Variants in TBCD observed in about 807,000 individuals in gnomAD.
TBCD encodes the protein tubulin folding cofactor D.
TBCD carries 105 observed loss-of-function variants against 169.3 expected under a neutral mutation model. That is an observed-to-expected ratio of 0.62 (90% confidence interval 0.53 to 0.73). The LOEUF is 0.73. Among genes scored for constraint, TBCD ranks in the 30% least tolerant of loss-of-function variants. The pLI is 0.00. For synonymous variants in TBCD, 700 were observed against 643.9 expected, an observed-to-expected ratio of 1.09 and a Z score of -1.32; for missense variants, 1,444 against 1,600.1, an observed-to-expected ratio of 0.90 and a Z score of 1.66.
chr17:82,792,294 C>T (rs936611677), intron 7 of TBCD, among the ~76,000 whole-genome samples: 1 of 143,246 alleles, frequency 7.0e-6, no homozygotes, highest in Non-Finnish European at 1.5e-5. Context: ...GGTGACAGAG[C>T]GAGACTCCGT....
chr17:82,940,218 C>T (rs1428289809), intron 37 of TBCD, among the ~76,000 whole-genome samples: 5 of 128,974 alleles, frequency 3.9e-5, no homozygotes, highest in Non-Finnish European at 6.4e-5. Context: ...CACTTGCACG[C>T]GCGCACACAC....
intron 37 of TBCD, among the ~76,000 whole-genome samples, chr17:82,941,149 G>C (rs116664908): frequency 0.014 from 2,175 of 152,346 alleles, 68 homozygotes; most frequent in African/African-American, 0.049. Flanking sequence ...GCTGGGCGTG[G>C]TCCTTCCCGA....
Position 82,942,551 on chromosome 17 carries a change from G to C in TBCD, c.*88G>C. On this transcript the variant is annotated 3_prime_UTR_variant, in exon 39 of 39. Transcript: ENST00000355528. ...CCGGTGTGGAAAGCCTCGCACAGTGGTGCCTCCAGCTGTTGAAGGGTAGCG... is the reference window on the plus strand; with the variant it reads ...CCGGTGTGGAAAGCCTCGCACAGTGCTGCCTCCAGCTGTTGAAGGGTAGCG... 5.0e-6 allele frequency: 8 copies of C among 1,585,234 alleles called. No individual in the cohort carries two copies. The highest frequency in any genetic ancestry group is 6.9e-6 in the Non-Finnish European group (8 of 1,155,968).
Position 82,930,657 on chromosome 17 carries a change from CTT to C in TBCD, c.3113+15_3113+16del, listed in dbSNP as rs2062121070. ...TCTGAATGAGAGGTGAGTGGTGTCT[CTT>C]GGGGCCTCAGAGGCGTGAGTGGTGC... On this transcript the variant is annotated intron_variant, in intron 33 of 38. Coordinates refer to ENST00000355528, the MANE Select transcript of TBCD (RefSeq NM_005993.5). This position sits in a 1 kb window ranked among gnomAD's most constrained non-coding sequence, Gnocchi z 5.2. 6.8e-6 allele frequency: 11 copies of C among 1,613,948 alleles called. No homozygotes were observed. Among genetic ancestry groups the C allele is most frequent in the Non-Finnish European group, 9.3e-6 (11 of 1,179,862 alleles).
chr17:82,863,363 G>A (rs2056923810), intron 13 of TBCD, among the ~76,000 whole-genome samples: 1 of 152,210 alleles, frequency 6.6e-6, no homozygotes, highest in Non-Finnish European at 1.5e-5. Context: ...GAGGCCAAGC[G>A]GTGTCTGTAC....
At chr17:82,856,654 G>T (rs1015668960) in intron 13 of TBCD, among the ~76,000 whole-genome samples, 2 of 152,220 alleles carry the variant, frequency 1.3e-5, no homozygotes, top group Non-Finnish European at 2.9e-5. Flanking sequence ...GAATGCTTCT[G>T]TGAACGTTTG....
At chr17:82,892,706 AG>A (rs1272857627) in intron 16 of TBCD, among the ~76,000 whole-genome samples, 2 of 152,212 alleles carry the variant, frequency 1.3e-5, no homozygotes, top group African/African-American at 4.8e-5. Context: ...GGAGGTGGGC[AG>A]GCTTGGGAGA....
intron 11 of TBCD, among the ~76,000 whole-genome samples, chr17:82,809,195 T>G (rs973716179): frequency 6.6e-6 from 1 of 152,056 alleles, no homozygotes; most frequent in Non-Finnish European, 1.5e-5. Flanking sequence ...GCCTTCCCAG[T>G]GTCCTTCCTG....
intron 11 of TBCD, among the ~76,000 whole-genome samples, chr17:82,807,869 C>A (rs753865300): frequency 6.6e-6 from 1 of 152,266 alleles, no homozygotes; most frequent in Non-Finnish European, 1.5e-5. Flanking sequence ...CCTCCTGCCT[C>A]TGGCTGGCCC....
In TBCD at chr17:82,939,647, C is replaced by T. The variant is rs561701761; in HGVS notation, c.3479+171C>T. ...TACAAGGCAGCCGTGCTGCTGTAGC[C>T]GAAACCTCTTCTCAACCGCCCTGTC... On this transcript the variant is annotated intron_variant, in intron 37 of 38. Coordinates refer to ENST00000355528, the MANE Select transcript of TBCD (RefSeq NM_005993.5). Among the ~76,000 whole-genome samples, 13 of 152,322 alleles carry T rather than the reference C, an allele frequency of 8.5e-5. No individual in the cohort carries two copies. In the South Asian group the frequency reaches 1.0e-3, roughly 12 times the overall value.
chr17:82,931,332 G>T (rs374895867), intron 33 of TBCD, among the ~76,000 whole-genome samples: 1 of 152,348 alleles, frequency 6.6e-6, no homozygotes, highest in African/African-American at 2.4e-5. Context: ...CAGTTCGATC[G>T]ATTTTGATAG....
intron 13 of TBCD, chr17:82,859,917 A>G (rs2056619467): frequency 1.0e-6 from 1 of 984,078 alleles, no homozygotes; most frequent in Non-Finnish European, 1.2e-6. Flanking sequence ...CACTGGTGAC[A>G]TGGCCTTTGG....
rs1263189633 is a variant in TBCD at position 82,782,563 on chromosome 17, A to G, written c.771+842A>G. On this transcript the variant is annotated intron_variant, in intron 7 of 38. Transcript: ENST00000355528. This position sits in a 1 kb window ranked among gnomAD's most constrained non-coding sequence, Gnocchi z 5.1. The stretch of plus-strand genomic sequence containing the variant: ...TGCTATGTAGGTCAGGGTGGTCTTA[A>G]ACTCCTGGCCTCAAGTGATCCTCCT... 2.0e-5 allele frequency among the ~76,000 whole-genome samples: 3 copies of G among 152,068 alleles called. No individual in the cohort carries two copies. The highest frequency in any genetic ancestry group is 4.4e-5 in the Non-Finnish European group (3 of 68,010).
intron 14 of TBCD, among the ~76,000 whole-genome samples, chr17:82,871,733 G>A (rs939327837): frequency 2.0e-5 from 3 of 152,196 alleles, no homozygotes; most frequent in African/African-American, 4.8e-5. Flanking sequence ...TGCCCCGCAC[G>A]CCCCGCGAGC....
At chr17:82,907,156 C>T (rs895112108) in intron 20 of TBCD, among the ~76,000 whole-genome samples, 6 of 152,258 alleles carry the variant, frequency 3.9e-5, no homozygotes, top group East Asian at 1.9e-4. Flanking sequence ...ACACGGTTTG[C>T]GCAGATTGAG....
chr17:82,761,093 G>A (rs1302489629), intron 2 of TBCD, among the ~76,000 whole-genome samples: 7 of 151,996 alleles, frequency 4.6e-5, no homozygotes, highest in African/African-American at 1.2e-4. Flanking sequence ...CTGAGTAGCT[G>A]GGATTACAGG....
chr17:82,940,245 AC>A lies in TBCD; in HGVS notation c.3479+770del, dbSNP rs1360245438. On this transcript the variant is annotated intron_variant, in intron 37 of 38. Coordinates refer to ENST00000355528, the MANE Select transcript of TBCD (RefSeq NM_005993.5). ...CGCACACACACACACACACACACAC[AC>A]TTCTAAAAGGGGAGCAGTCTCGTCA... Among the ~76,000 whole-genome samples, 2 of 150,878 alleles carry A rather than the reference AC, an allele frequency of 1.3e-5. 1 individual carries two copies. Among genetic ancestry groups the A allele is most frequent in the South Asian group, 4.4e-4 (2 of 4,516 alleles).
Position 82,831,342 on chromosome 17 carries a change from G to A in TBCD, c.1318+16408G>A. 1 of 1,614,084 alleles carries A rather than the reference G, an allele frequency of 6.2e-7. No individual in the cohort carries two copies. Among genetic ancestry groups the A allele is most frequent in the Non-Finnish European group, 8.5e-7 (1 of 1,180,034 alleles). On this transcript the variant is annotated intron_variant, in intron 13 of 38. Coordinates refer to ENST00000355528, the MANE Select transcript of TBCD (RefSeq NM_005993.5). This position sits in a 1 kb window ranked among gnomAD's most constrained non-coding sequence, Gnocchi z 4.6. ...GACTTTCGAACTCGACGTGTTTTCT[G>A]TTGGGGTCCGAAGGGTTTAACCTGG...
intron 15 of TBCD, among the ~76,000 whole-genome samples, chr17:82,885,415 G>C (rs770998573): frequency 9.8e-5 from 15 of 152,318 alleles, no homozygotes; most frequent in Non-Finnish European, 1.6e-4. Flanking sequence ...GTATCCTGAA[G>C]TAGTTAGAAG....
Sources: allele counts gnomAD v4.1 joint callset (sites outside exome capture counted in the v4.1 genomes callset), GRCh38; gene constraint gnomAD v4.1.1; non-coding constraint Gnocchi (gnomAD v3.1); transcripts MANE v1.5; gene names NCBI Gene and HGNC (gene_info 2026-07-23, HGNC 2026-07-21).